Variants in GAS7 observed in about 807,000 individuals in gnomAD.
GAS7 encodes growth arrest-specific protein 7.
In GAS7, 28 loss-of-function variants were observed where a neutral mutation model predicts 71.1. That is an observed-to-expected ratio of 0.39 (90% CI 0.29 to 0.54). The LOEUF is 0.54. Ranked by LOEUF, GAS7 falls within the 20% of genes least tolerant of loss-of-function variation. The pLI, the probability that GAS7 is intolerant of heterozygous loss-of-function variation, is 0.62. For synonymous variants in GAS7, 258 were observed against 245.8 expected, an observed-to-expected ratio of 1.05 and a Z score of -0.46; for missense variants, 436 against 627.8, an observed-to-expected ratio of 0.69 and a Z score of 3.27.
At chr17:9,995,763 T>C (rs1468529267) in intron 2 of GAS7, among the ~76,000 whole-genome samples, 3 of 152,140 alleles carry the variant, frequency 2.0e-5, no homozygotes, top group African/African-American at 7.2e-5. Context: ...GACCTAACAA[T>C]AGCTTTAGGT....
Position 10,162,546 on chromosome 17 carries a change from G to A in GAS7, c.183+35662C>T, listed in dbSNP as rs75978533. Among the ~76,000 whole-genome samples the A allele has an allele frequency of 7.1e-3, 1,078 of 152,190 alleles. 11 individuals are homozygous for A. The highest frequency in any genetic ancestry group is 0.025 in the African/African-American group (1,028 of 41,506). On this transcript the variant is annotated intron_variant, in intron 1 of 13. Coordinates refer to ENST00000432992, the MANE Select transcript of GAS7 (RefSeq NM_201433.2). ...TTGCCGAAGTCCCAGTTTGCTCCAC[G>A]AGTCACTTTTTAAAAGTTTGATCTT...
Position 10,026,325 on chromosome 17 carries a change from C to T in GAS7, c.184-6428G>A, listed in dbSNP as rs914203123. 1.7e-4 allele frequency: 165 copies of T among 978,298 alleles called. No individual in the cohort carries two copies. The highest frequency in any genetic ancestry group is 2.0e-4 in the Non-Finnish European group (162 of 823,654). The allele number at this position is 978,298 out of a possible 1,614,324, so 60.6% of individuals were successfully genotyped here. ...AAAGCATATCCACAGGGCCCCACAC[C>T]CCCACTCCCCCCACACCCAGATCTA... On this transcript the variant is annotated intron_variant, in intron 1 of 13. Transcript: ENST00000432992. This position sits in a 1 kb window ranked among gnomAD's most constrained non-coding sequence, Gnocchi z 4.5.
intron 3 of GAS7, among the ~76,000 whole-genome samples, chr17:9,979,197 A>C (rs895956370): frequency 3.3e-5 from 5 of 152,224 alleles, no homozygotes; most frequent in African/African-American, 1.2e-4. Context: ...CAGAATGCTA[A>C]TGTGCCTGTC....
intron 1 of GAS7, among the ~76,000 whole-genome samples, chr17:10,155,071 G>A (rs2074195220): frequency 6.6e-6 from 1 of 151,490 alleles, no homozygotes; most frequent in South Asian, 2.1e-4. Flanking sequence ...CTGGAGTGCA[G>A]TGGCACGATC....
chr17:10,108,431 A>G (rs2073780228), intron 1 of GAS7, among the ~76,000 whole-genome samples: 1 of 152,214 alleles, frequency 6.6e-6, no homozygotes, highest in Non-Finnish European at 1.5e-5. Context: ...TTCTCAGGGT[A>G]TGCTTAACTT....
chr17:9,942,694 T>G (rs1376204996), intron 7 of GAS7, among the ~76,000 whole-genome samples: 1 of 151,904 alleles, frequency 6.6e-6, no homozygotes, highest in Non-Finnish European at 1.5e-5. Context: ...GCCAGGTACA[T>G]AAGTAAAGGA....
At chr17:10,014,061 C>T (rs976608346) in intron 2 of GAS7, among the ~76,000 whole-genome samples, 1 of 152,232 alleles carries the variant, frequency 6.6e-6, no homozygotes, top group East Asian at 1.9e-4. Context: ...CACACCGTAG[C>T]CATCCAAATG....
rs952440907 is a variant in GAS7, at chr17:10,103,924, A to G, written c.184-84027T>C. Among the ~76,000 whole-genome samples, 4 of 151,796 alleles carry G rather than the reference A, an allele frequency of 2.6e-5. No individual in the cohort carries two copies. The highest frequency in any genetic ancestry group is 9.7e-5 in the African/African-American group (4 of 41,352). ...AAATTCATCCTATCCTACCCACATC[A>G]GAGCCCACGCTCGCAGCCTTCCCTC... On this transcript the variant is annotated intron_variant, in intron 1 of 13. Transcript: ENST00000432992. The surrounding 1 kb of genome is among the most constrained non-coding windows in gnomAD (Gnocchi z 5.5).
At chr17:9,954,841 C>T (rs979409814) in intron 5 of GAS7, among the ~76,000 whole-genome samples, 1 of 151,968 alleles carries the variant, frequency 6.6e-6, no homozygotes, top group African/African-American at 2.4e-5. Flanking sequence ...GGAGAGGAAG[C>T]ATGTTTCCAT....
At chr17:10,059,123 C>A (rs1437292256) in intron 1 of GAS7, among the ~76,000 whole-genome samples, 1 of 152,198 alleles carries the variant, frequency 6.6e-6, no homozygotes, top group Non-Finnish European at 1.5e-5. Context: ...GACCTGGTTT[C>A]CCATCCCACT....
At chr17:10,067,742 C>T (rs1436763254) in intron 1 of GAS7, among the ~76,000 whole-genome samples, 1 of 152,172 alleles carries the variant, frequency 6.6e-6, no homozygotes, top group Admixed American at 6.5e-5. Flanking sequence ...GAAAATACAT[C>T]CCAGACACTC....
intron 3 of GAS7, among the ~76,000 whole-genome samples, chr17:9,979,278 C>T (rs371093276): frequency 1.3e-5 from 2 of 152,248 alleles, no homozygotes; most frequent in African/African-American, 4.8e-5. Context: ...GAAATACTAC[C>T]CCAGCACCCT....
chr17:10,195,173 T>C (rs1039332964), intron 1 of GAS7, among the ~76,000 whole-genome samples: 3 of 152,272 alleles, frequency 2.0e-5, no homozygotes, highest in African/African-American at 7.2e-5. Flanking sequence ...TACCATTTCC[T>C]TGGAGTCTTG....
At chr17:10,008,645 G>C (rs974115580) in intron 2 of GAS7, among the ~76,000 whole-genome samples, 7 of 152,090 alleles carry the variant, frequency 4.6e-5, no homozygotes, top group African/African-American at 1.7e-4. Context: ...TCCTGGAAGA[G>C]AAAACAAAAC....
intron 1 of GAS7, among the ~76,000 whole-genome samples, chr17:10,175,257 A>G (rs923482604): frequency 1.3e-5 from 2 of 151,692 alleles, no homozygotes; most frequent in Admixed American, 6.6e-5. Flanking sequence ...CTAGGTCCCT[A>G]TGTTTTTTCA....
At chr17:10,148,954 A>G (rs1424630382) in intron 1 of GAS7, among the ~76,000 whole-genome samples, 1 of 151,422 alleles carries the variant, frequency 6.6e-6, no homozygotes, top group Non-Finnish European at 1.5e-5. Flanking sequence ...GAACGGTATC[A>G]GGTCAACTGG....
At chr17:9,925,426 C>T (rs1278424202) in intron 11 of GAS7, 50 bp downstream of exon 11, 2 of 1,594,944 alleles carry the variant, frequency 1.3e-6, no homozygotes, top group East Asian at 2.2e-5. Context: ...AGCCCCGTGC[C>T]CTCTCCTTCT....
intron 3 of GAS7, among the ~76,000 whole-genome samples, chr17:9,971,095 T>TA (rs1350992564): frequency 1.3e-5 from 2 of 152,056 alleles, no homozygotes; most frequent in African/African-American, 4.8e-5. Flanking sequence ...GCACTTCATT[T>TA]AAAAAAGGGA....
chr17:9,946,220 A>C, intron 6 of GAS7, among the ~76,000 whole-genome samples: 1 of 152,200 alleles, frequency 6.6e-6, no homozygotes, highest in Non-Finnish European at 1.5e-5. Flanking sequence ...TCTGAGGTAC[A>C]GGACTCTGCA....
Sources: allele counts gnomAD v4.1 joint callset (sites outside exome capture counted in the v4.1 genomes callset), GRCh38; gene constraint gnomAD v4.1.1; non-coding constraint Gnocchi (gnomAD v3.1); transcripts MANE v1.5; gene names NCBI Gene and HGNC (gene_info 2026-07-23, HGNC 2026-07-21).